Variants in UNC5C observed in about 807,000 individuals in gnomAD.
The protein encoded by UNC5C is unc-5 netrin receptor C, also known as netrin receptor UNC5C.
A neutral mutation model predicts 99.8 loss-of-function variants in UNC5C; 47 were observed. The observed-to-expected ratio is 0.47, with a 90% CI of 0.37 to 0.60. The LOEUF (loss-of-function observed/expected upper bound fraction) is 0.60. Ranked by LOEUF, UNC5C falls within the 20% of genes least tolerant of loss-of-function variation. The probability of loss-of-function intolerance (pLI) is 0.00; values close to 1 mark genes in which losing one functional copy is unlikely to be tolerated. For synonymous variants in UNC5C, 487 were observed against 452.2 expected, an observed-to-expected ratio of 1.08 and a Z score of -0.98; for missense variants, 1,062 against 1,165.9, an observed-to-expected ratio of 0.91 and a Z score of 1.30.
At chr4:95,300,392 C>CT (rs1741824542) in intron 3 of UNC5C, among the ~76,000 whole-genome samples, 1 of 152,016 alleles carries the variant, frequency 6.6e-6, no homozygotes, top group Non-Finnish European at 1.5e-5. Context: ...TTATGGAAGC[C>CT]TTTTTTGCAA....
chr4:95,423,656 A>C (rs1049173203), intron 1 of UNC5C, among the ~76,000 whole-genome samples: 1 of 152,220 alleles, frequency 6.6e-6, no homozygotes, highest in African/African-American at 2.4e-5. Flanking sequence ...ACATTTAAAG[A>C]AGACTTAGAA....
In UNC5C at chr4:95,301,739, G is replaced by C. The variant is rs757737562; in HGVS notation, c.357C>G (p.Val119=). Residue 119 remains valine (V), a synonymous_variant, in exon 3 of 16, where the codon GTC becomes GTG. Transcript: ENST00000453304. Reference sequence around the variant, plus strand: ...GCGAAATCTCAATGCTCACTTCCCGGACAATGAGACCTGACAAGAGAAAAA... The same window carrying C: ...GCGAAATCTCAATGCTCACTTCCCGCACAATGAGACCTGACAAGAGAAAAA... The part of the protein sequence containing the change: ...ERVDETSGLI[V]REVSIEISRQ... The C allele has an allele frequency of 6.2e-7, 1 of 1,612,626 alleles. No homozygotes were observed. The highest frequency in any genetic ancestry group is 8.5e-7 in the Non-Finnish European group (1 of 1,179,964).
At chr4:95,501,030 T>C (rs1721764251) in intron 1 of UNC5C, among the ~76,000 whole-genome samples, 4 of 152,090 alleles carry the variant, frequency 2.6e-5, no homozygotes. Flanking sequence ...TTAATAAATA[T>C]TTGTAGAATT....
chr4:95,230,536 G>A lies in UNC5C; in HGVS notation c.1109-10360C>T, dbSNP rs1738874439. 2.0e-5 allele frequency among the ~76,000 whole-genome samples: 3 copies of A among 152,110 alleles called. No individual in the cohort carries two copies. In the South Asian group the frequency reaches 6.2e-4, roughly 32 times the overall value. ...TTTGCCCATGCCTATGTCCTGAATGGTATTGCCTAGGTTTTCTTCTAGGGT... is the reference window on the plus strand; with the variant it reads ...TTTGCCCATGCCTATGTCCTGAATGATATTGCCTAGGTTTTCTTCTAGGGT... On this transcript the variant is annotated intron_variant, in intron 7 of 15. Transcript: ENST00000453304.
At chr4:95,403,340 G>A (rs1745750681) in intron 1 of UNC5C, among the ~76,000 whole-genome samples, 1 of 152,186 alleles carries the variant, frequency 6.6e-6, no homozygotes, top group African/African-American at 2.4e-5. Flanking sequence ...TCTTGAACAG[G>A]ACAGGTGAGC....
intron 2 of UNC5C, among the ~76,000 whole-genome samples, chr4:95,319,466 A>G (rs565728359): frequency 6.6e-6 from 1 of 152,218 alleles, no homozygotes; most frequent in East Asian, 1.9e-4. Flanking sequence ...TTTCATTGCA[A>G]GATACTGTAT....
chr4:95,198,090 C>T lies in UNC5C; in HGVS notation c.2136+4641G>A, dbSNP rs779591288. On this transcript the variant is annotated intron_variant, in intron 12 of 15. Transcript: ENST00000453304. ...GCAGCCTCCGCCTCCCAGGTTCAAGCAACTCTCCCACCTCAGCCTCCTCAG... is the reference window on the plus strand; with the variant it reads ...GCAGCCTCCGCCTCCCAGGTTCAAGTAACTCTCCCACCTCAGCCTCCTCAG... 2.7e-4 allele frequency among the ~76,000 whole-genome samples: 41 copies of T among 150,884 alleles called. 1 individual carries two copies. The highest frequency in any genetic ancestry group is 4.6e-4 in the Non-Finnish European group (31 of 67,884).
intron 1 of UNC5C, among the ~76,000 whole-genome samples, chr4:95,504,861 TG>T (rs1721873421): frequency 6.6e-6 from 1 of 152,118 alleles, no homozygotes; most frequent in South Asian, 2.1e-4. Context: ...AGTTTAAATT[TG>T]GGGGTGGTCT....
intron 12 of UNC5C, among the ~76,000 whole-genome samples, chr4:95,192,178 TCCTC>T (rs1237268390): frequency 7.5e-5 from 8 of 107,096 alleles, no homozygotes; most frequent in Non-Finnish European, 1.5e-4. Flanking sequence ...CCTGCTCACC[TCCTC>T]CCTTTCTCAT....
intron 10 of UNC5C, 56 bp from the exon 11 acceptor site, chr4:95,206,852 T>C: frequency 7.2e-7 from 1 of 1,392,182 alleles, no homozygotes; most frequent in Non-Finnish European, 9.4e-7. Flanking sequence ...TCATGAACTA[T>C]GCACTTGGGT....
intron 14 of UNC5C, among the ~76,000 whole-genome samples, chr4:95,176,840 C>A (rs1309744205): frequency 1.3e-5 from 2 of 152,248 alleles, no homozygotes; most frequent in African/African-American, 4.8e-5. Context: ...CCTCCCCCAG[C>A]CTCGCTGCCG....
At chr4:95,442,612 C>T (rs1271673148) in intron 1 of UNC5C, among the ~76,000 whole-genome samples, 1 of 152,016 alleles carries the variant, frequency 6.6e-6, no homozygotes, top group Non-Finnish European at 1.5e-5. Flanking sequence ...ACTACAGGCA[C>T]ACTTATCATT....
At chr4:95,373,848 G>T (rs1359266312) in intron 1 of UNC5C, among the ~76,000 whole-genome samples, 1 of 152,134 alleles carries the variant, frequency 6.6e-6, no homozygotes, top group Non-Finnish European at 1.5e-5. Flanking sequence ...GAAAGCAGGA[G>T]TAAAAATTAT....
chr4:95,522,257 A>C (rs1477329766), intron 1 of UNC5C, among the ~76,000 whole-genome samples: 1 of 152,166 alleles, frequency 6.6e-6, no homozygotes, highest in Non-Finnish European at 1.5e-5. Flanking sequence ...ATAATTTAAA[A>C]TATAAAATCC....
chr4:95,295,983 G>C (rs1741656786), intron 3 of UNC5C, among the ~76,000 whole-genome samples: 1 of 152,188 alleles, frequency 6.6e-6, no homozygotes, highest in Non-Finnish European at 1.5e-5. Flanking sequence ...CTACATGGGG[G>C]GGAGGCTGAG....
chr4:95,521,630 G>C lies in UNC5C; in HGVS notation c.124+27104C>G, dbSNP rs562689553. ...CCACATCCAAATACCAACACATTGG[G>C]GACTTAGGATTTCAACATACACATT... On this transcript the variant is annotated intron_variant, in intron 1 of 15. Transcript: ENST00000453304. 7.9e-5 allele frequency among the ~76,000 whole-genome samples: 12 copies of C among 152,102 alleles called. No individual in the cohort carries two copies. The South Asian group carries it at 2.5e-3, about 32-fold the overall frequency.
chr4:95,326,158 C>T (rs1386588582), intron 2 of UNC5C, among the ~76,000 whole-genome samples: 1 of 152,088 alleles, frequency 6.6e-6, no homozygotes, highest in Non-Finnish European at 1.5e-5. Context: ...TCATAAGACA[C>T]TTGTGATGAC....
intron 1 of UNC5C, among the ~76,000 whole-genome samples, chr4:95,420,439 GC>G (rs760733009): frequency 5.3e-5 from 8 of 151,998 alleles, no homozygotes; most frequent in Non-Finnish European, 8.8e-5. Context: ...CTAGTTATTA[GC>G]CCTTACACTC....
At chr4:95,228,322 A>T (rs566691074) in intron 7 of UNC5C, among the ~76,000 whole-genome samples, 6 of 152,302 alleles carry the variant, frequency 3.9e-5, no homozygotes, top group Non-Finnish European at 7.4e-5. Context: ...ACTACTTTTT[A>T]AAAAAATAAT....
Sources: allele counts gnomAD v4.1 joint callset (sites outside exome capture counted in the v4.1 genomes callset), GRCh38; gene constraint gnomAD v4.1.1; transcripts MANE v1.5; gene names NCBI Gene and HGNC (gene_info 2026-07-23, HGNC 2026-07-21).